DOCK3: variants seen among roughly 807,000 people sequenced by gnomAD.
DOCK3 encodes dedicator of cytokinesis 3, also known as dedicator of cytokinesis protein 3.
A neutral mutation model predicts 265.6 loss-of-function variants in DOCK3; 60 were observed. The observed-to-expected ratio is 0.23, with a 90% CI of 0.18 to 0.28. The LOEUF is 0.28. DOCK3 is among the 10% of genes least tolerant of loss of function. DOCK3 has a pLI of 1.00. For missense variants in DOCK3, 1,981 were observed against 2,594.3 expected, an observed-to-expected ratio of 0.76 and a Z score of 5.14; for synonymous variants, 881 against 938.0, an observed-to-expected ratio of 0.94 and a Z score of 1.11.
chr3:51,199,839 C>G (rs947450537), intron 12 of DOCK3, among the ~76,000 whole-genome samples: 1 of 152,178 alleles, frequency 6.6e-6, no homozygotes, highest in African/African-American at 2.4e-5. Flanking sequence ...GACAAAACTT[C>G]CAGAAGAACG....
chr3:50,985,586 C>T (rs1023226769), intron 5 of DOCK3, among the ~76,000 whole-genome samples: 1 of 152,048 alleles, frequency 6.6e-6, no homozygotes, highest in East Asian at 1.9e-4. Context: ...GTTGAACAGG[C>T]AGATATTAGG....
At chr3:51,092,980 A>G (rs947508213) in intron 9 of DOCK3, among the ~76,000 whole-genome samples, 1 of 152,106 alleles carries the variant, frequency 6.6e-6, no homozygotes, top group Non-Finnish European at 1.5e-5. Context: ...TCAAAGATCA[A>G]ATGGTTGTAG....
intron 1 of DOCK3, among the ~76,000 whole-genome samples, chr3:50,768,779 A>G (rs2041079046): frequency 6.6e-6 from 1 of 152,140 alleles, no homozygotes; most frequent in Non-Finnish European, 1.5e-5. Flanking sequence ...CAGTAGTGGG[A>G]TTGTAGAATC....
At position 50,814,568 on chromosome 3, in the gene DOCK3, G is replaced by A. The variant is rs562468481; in HGVS notation, c.122-27107G>A. On this transcript the variant is annotated intron_variant, in intron 2 of 52. Coordinates refer to ENST00000266037, the MANE Select transcript of DOCK3 (RefSeq NM_004947.5). ...AGGCATGAGCCACCGCACCTGGCCT[G>A]GTACAATATTATGAACTTAACCATA... Among the ~76,000 whole-genome samples, 117 of 152,010 alleles carry A rather than the reference G, an allele frequency of 7.7e-4. No homozygotes were observed. In the Middle Eastern group the frequency reaches 0.014, roughly 18 times the overall value.
At chr3:50,712,355 T>G (rs72944730) in intron 1 of DOCK3, among the ~76,000 whole-genome samples, 11,152 of 152,280 alleles carry the variant, frequency 0.073, 1,093 homozygotes, top group East Asian at 0.33. Context: ...TTTTATTTTT[T>G]GAGACGGAGT....
At chr3:51,332,545 G>A (rs1215154879) in intron 33 of DOCK3, among the ~76,000 whole-genome samples, 2 of 152,196 alleles carry the variant, frequency 1.3e-5, no homozygotes, top group East Asian at 3.9e-4. Flanking sequence ...TTTCCATGAA[G>A]ATGATGGGTT....
At chr3:50,817,449 G>T (rs1323028603) in intron 2 of DOCK3, among the ~76,000 whole-genome samples, 1 of 151,716 alleles carries the variant, frequency 6.6e-6, no homozygotes, top group African/African-American at 2.4e-5. Flanking sequence ...GAGCCACCAT[G>T]CCAACTAATT....
chr3:51,013,119 G>T (rs2079017158), intron 5 of DOCK3, among the ~76,000 whole-genome samples: 1 of 152,144 alleles, frequency 6.6e-6, no homozygotes, highest in African/African-American at 2.4e-5. Flanking sequence ...GGAGAAGTTT[G>T]TTATTACCGA....
chr3:50,837,215 T>G (rs2045562177), intron 2 of DOCK3, among the ~76,000 whole-genome samples: 1 of 152,218 alleles, frequency 6.6e-6, no homozygotes, highest in Admixed American at 6.5e-5. Context: ...TGCTTCCACA[T>G]TTTTGGGTAT....
intron 3 of DOCK3, chr3:50,877,257 T>C: frequency 2.9e-6 from 1 of 344,714 alleles, no homozygotes. Flanking sequence ...ACCCTTTTTA[T>C]TCTTTCTTTG....
intron 22 of DOCK3, among the ~76,000 whole-genome samples, chr3:51,259,612 T>G (rs2079745263): frequency 6.6e-6 from 1 of 152,238 alleles, no homozygotes; most frequent in South Asian, 2.1e-4. Context: ...GCCTATCAGC[T>G]GCTGTGCAGC....
intron 5 of DOCK3, among the ~76,000 whole-genome samples, chr3:51,058,337 A>G (rs781428532): frequency 7.9e-5 from 12 of 152,236 alleles, no homozygotes; most frequent in Non-Finnish European, 1.5e-4. Context: ...TCAAAGTCAC[A>G]TTATTGCAAA....
intron 6 of DOCK3, among the ~76,000 whole-genome samples, chr3:51,070,681 C>G (rs1322420501): frequency 6.6e-6 from 1 of 152,138 alleles, no homozygotes; most frequent in Non-Finnish European, 1.5e-5. Context: ...GGGCACTGCT[C>G]CACAAGAAAT....
chr3:50,823,635 CA>C (rs1187918929), intron 2 of DOCK3, among the ~76,000 whole-genome samples: 1 of 152,216 alleles, frequency 6.6e-6, no homozygotes, highest in Non-Finnish European at 1.5e-5. Context: ...TGCTATTCCA[CA>C]AAACCGCCAT....
intron 4 of DOCK3, among the ~76,000 whole-genome samples, chr3:50,915,854 C>T (rs973105650): frequency 6.6e-6 from 1 of 152,080 alleles, no homozygotes; most frequent in East Asian, 1.9e-4. Flanking sequence ...AGCTCTGGCC[C>T]ATAGCAGTAG....
At chr3:51,047,834 T>C (rs899904007) in intron 5 of DOCK3, among the ~76,000 whole-genome samples, 5 of 152,100 alleles carry the variant, frequency 3.3e-5, no homozygotes, top group African/African-American at 1.2e-4. Flanking sequence ...ATCCAATCCT[T>C]GTTAACGCTT....
At chr3:50,903,146 GT>G (rs2049291053) in intron 4 of DOCK3, among the ~76,000 whole-genome samples, 1 of 152,086 alleles carries the variant, frequency 6.6e-6, no homozygotes, top group South Asian at 2.1e-4. Flanking sequence ...CTCTCTTCCT[GT>G]TTGAATACTT....
At chr3:50,886,747 A>AT (rs1378649672) in intron 3 of DOCK3, among the ~76,000 whole-genome samples, 2 of 151,694 alleles carry the variant, frequency 1.3e-5, no homozygotes, top group Non-Finnish European at 2.9e-5. Context: ...TGAACTCATC[A>AT]TTTTTTATGA....
At chr3:51,118,065 G>T (rs1255576853) in intron 9 of DOCK3, among the ~76,000 whole-genome samples, 1 of 152,122 alleles carries the variant, frequency 6.6e-6, no homozygotes, top group Admixed American at 6.6e-5. Context: ...GTCAGTTTTA[G>T]ATCTTTCCTG....
Sources: allele counts gnomAD v4.1 joint callset (sites outside exome capture counted in the v4.1 genomes callset), GRCh38; gene constraint gnomAD v4.1.1; transcripts MANE v1.5; gene names NCBI Gene and HGNC (gene_info 2026-07-23, HGNC 2026-07-21).